The following CLDN19 variants were observed in gnomAD, a reference collection of about 807,000 sequenced individuals.
CLDN19 encodes the protein claudin-19.
CLDN19 carries 19 observed loss-of-function variants against 24.5 expected under a neutral mutation model. The observed-to-expected ratio is 0.78, with a 90% confidence interval of 0.54 to 1.14. CLDN19 has a LOEUF of 1.14. Among genes scored for constraint, CLDN19 ranks in the 50% most tolerant of loss-of-function variants. The pLI is 0.00. For missense variants in CLDN19, 250 were observed against 295.9 expected (o/e 0.84, Z 1.14); for synonymous variants, 117 against 129.6 (o/e 0.90, Z 0.66).
intron 4 of CLDN19, chr1:42,735,677 G>A: frequency 1.4e-6 from 2 of 1,443,710 alleles, no homozygotes; most frequent in Non-Finnish European, 1.8e-6. Flanking sequence ...CTGGGGGCTG[G>A]GTCCTGCCTC....
chr1:42,736,968 C>T (rs556705713), intron 3 of CLDN19, among the ~76,000 whole-genome samples: 32 of 152,298 alleles, frequency 2.1e-4, no homozygotes, highest in Non-Finnish European at 1.9e-4. Flanking sequence ...CTCCCCTTGC[C>T]TCTCAACACC....
intron 3 of CLDN19, 34 bp downstream of exon 3, chr1:42,738,195 A>G: frequency 6.6e-7 from 1 of 1,516,664 alleles, no homozygotes; most frequent in Non-Finnish European, 9.2e-7. Context: ...GCCCCAGAGG[A>G]GGTAAAGCAA....
rs1651330010 is a variant in CLDN19, at chr1:42,735,496, G to A, written c.627-362C>T. ...CCCAAGGACCTGGGTACTAAGGTAC[G>A]TCTTGGCCACTGCTCTATCTCTAGG... On this transcript the variant is annotated intron_variant, in intron 4 of 4. Coordinates refer to ENST00000296387, the MANE Select transcript of CLDN19 (RefSeq NM_148960.3). The A allele has an allele frequency of 6.4e-6, 9 of 1,413,070 alleles. No homozygotes were observed. The South Asian group carries it at 8.1e-5, about 13-fold the overall frequency. The allele number at this position is 1,413,070 out of a possible 1,614,324, so 87.5% of individuals were successfully genotyped here. A position where few individuals can be genotyped will look rare whatever the true frequency, so the allele number is the denominator to read the frequency against.
chr1:42,738,627 G>A (rs535151363), intron 1 of CLDN19, 42 bp from the exon 2 acceptor site: 2 of 1,599,292 alleles, frequency 1.3e-6, no homozygotes, highest in African/African-American at 1.3e-5. Flanking sequence ...TGGCGGGGAT[G>A]GGGGTTGGGT....
intron 1 of CLDN19, 99 bp from the exon 2 acceptor site, chr1:42,738,684 G>A: frequency 8.4e-7 from 1 of 1,194,618 alleles, no homozygotes; most frequent in Non-Finnish European, 1.2e-6. Flanking sequence ...AGGGGCTTGA[G>A]CAGGAGCTGG....
At chr1:42,739,710 T>G in intron 1 of CLDN19, 131 bp downstream of exon 1, 2 of 789,954 alleles carry the variant, frequency 2.5e-6, no homozygotes, top group South Asian at 3.3e-5. Flanking sequence ...CACAGGGCAG[T>G]AGTGGGGGAA....
chr1:42,735,035 AAC>A lies in CLDN19; in HGVS notation c.*49_*50del. 1 of 1,407,842 alleles carries A rather than the reference AAC, an allele frequency of 7.1e-7. No individual in the cohort carries two copies. Among genetic ancestry groups the A allele is most frequent in the Non-Finnish European group, 1.0e-6 (1 of 994,210 alleles). The allele number at this position is 1,407,842 out of a possible 1,614,324, so 87.2% of individuals were successfully genotyped here. A position where few individuals can be genotyped will look rare whatever the true frequency, so the allele number is the denominator to read the frequency against. On this transcript the variant is annotated 3_prime_UTR_variant, in exon 5 of 5. Transcript: ENST00000296387. ...CACTTCTCTTTCCAAAAAAATATGA[AAC>A]ACACAGTCTAGGTATGGCAGGGGAC...
At chr1:42,735,584 AG>A in intron 4 of CLDN19, 1 of 1,422,428 alleles carries the variant, frequency 7.0e-7, no homozygotes, top group Non-Finnish European at 9.1e-7. Context: ...CTGGTGCCTG[AG>A]GGCCTGTCTC....
At chr1:42,735,577 G>A in intron 4 of CLDN19, 2 of 1,422,340 alleles carry the variant, frequency 1.4e-6, no homozygotes, top group East Asian at 2.5e-5. Flanking sequence ...AGCCGGGCTG[G>A]TGCCTGAGGG....
chr1:42,738,697 T>TG (rs1180847356), intron 1 of CLDN19, 112 bp from the exon 2 acceptor site: 8 of 1,033,550 alleles, frequency 7.7e-6, no homozygotes, highest in Admixed American at 2.1e-5. Context: ...GGAGCTGGCC[T>TG]GGGGGGTCAG....
intron 1 of CLDN19, among the ~76,000 whole-genome samples, chr1:42,739,383 T>G (rs989116718): frequency 1.3e-5 from 2 of 152,032 alleles, no homozygotes; most frequent in African/African-American, 4.8e-5. Flanking sequence ...TGCGTGTGCA[T>G]GCGTGTTTGC....
At chr1:42,735,442 G>A in intron 4 of CLDN19, 2 of 1,416,072 alleles carry the variant, frequency 1.4e-6, no homozygotes, top group Non-Finnish European at 1.8e-6. Context: ...GAGCCCATGG[G>A]ACTGGGGAGG....
intron 3 of CLDN19, 144 bp downstream of exon 3, chr1:42,738,085 A>T: frequency 1.3e-6 from 1 of 778,566 alleles, no homozygotes; most frequent in Non-Finnish European, 2.2e-6. Context: ...GGAGGGCCCC[A>T]CCACACTCCT....
Position 42,734,910 on chromosome 1 carries a change from C to T in CLDN19, c.*176G>A. The stretch of plus-strand genomic sequence containing the variant: ...GGACCTCTGTCTCCTCATCTTTCTG[C>T]CCAAGAGCCCCAGGGGTCAGCACTG... On this transcript the variant is annotated 3_prime_UTR_variant, in exon 5 of 5. Coordinates refer to ENST00000296387, the MANE Select transcript of CLDN19 (RefSeq NM_148960.3). The T allele has an allele frequency of 3.2e-6, 2 of 629,932 alleles. No individual in the cohort carries two copies. The highest frequency in any genetic ancestry group is 3.9e-5 in the South Asian group (2 of 51,554). The allele number at this position is 629,932 out of a possible 1,614,324, so 39.0% of individuals were successfully genotyped here.
At chr1:42,739,362 G>A (rs985880243) in intron 1 of CLDN19, among the ~76,000 whole-genome samples, 6 of 152,228 alleles carry the variant, frequency 3.9e-5, no homozygotes, top group African/African-American at 1.2e-4. Flanking sequence ...GTGCATGCAT[G>A]TGCACGTGTG....
rs765031421 is a variant in CLDN19, at chr1:42,739,833, G to A, written c.223+8C>T. ...TCCCATCTCCCACCCCGCCGGCCTG[G>A]GGCCTACCGTCCAGGGCGAGCAGCG... On this transcript the variant is annotated splice_region_variant and intron_variant, in intron 1 of 4. Coordinates refer to ENST00000296387, the MANE Select transcript of CLDN19 (RefSeq NM_148960.3). 2 of 1,611,954 alleles carry A rather than the reference G, an allele frequency of 1.2e-6. No individual in the cohort carries two copies. Among genetic ancestry groups the A allele is most frequent in the Admixed American group, 3.3e-5 (2 of 59,970 alleles).
rs1292451872 is a variant in CLDN19 at position 42,739,024 on chromosome 1, A to G, written c.224-439T>C. On this transcript the variant is annotated intron_variant, in intron 1 of 4. Transcript: ENST00000296387. ...CCTCCCCAGCAGCCATTCAGACAAC[A>G]GTCACTTTCCCCTCTGCCCATGGCA... Among the ~76,000 whole-genome samples the G allele has an allele frequency of 2.6e-5, 4 of 152,264 alleles. No homozygotes were observed. In the East Asian group the frequency reaches 7.8e-4, roughly 30 times the overall value.
intron 4 of CLDN19, chr1:42,735,433 A>G: frequency 7.1e-7 from 1 of 1,417,698 alleles, no homozygotes; most frequent in Non-Finnish European, 9.2e-7. Context: ...TGCTGTGAGG[A>G]GCCCATGGGA....
In CLDN19 at chr1:42,734,822, A is replaced by G; in HGVS notation, c.*264T>C. ...CCAGGCTTGGGAGGGGGGTCCCTAG[A>G]CAGAGGGTAGGACCTCTGAATTATT... On this transcript the variant is annotated 3_prime_UTR_variant, in exon 5 of 5. Transcript: ENST00000296387. The G allele has an allele frequency of 2.1e-6, 1 of 477,122 alleles. No individual in the cohort carries two copies. Among genetic ancestry groups the G allele is most frequent in the East Asian group, 3.4e-5 (1 of 29,726 alleles). The allele number at this position is 477,122 out of a possible 1,614,324, so 29.6% of individuals were successfully genotyped here.
Sources: allele counts gnomAD v4.1 joint callset (sites outside exome capture counted in the v4.1 genomes callset), GRCh38; gene constraint gnomAD v4.1.1; transcripts MANE v1.5; gene names NCBI Gene and HGNC (gene_info 2026-07-23, HGNC 2026-07-21).